Variants in SLC5A4 observed in about 807,000 individuals in gnomAD.
SLC5A4 encodes solute carrier family 5 member 4, also known as probable glucose sensor protein SLC5A4.
Under a neutral mutation model 70.3 loss-of-function variants are expected in SLC5A4, and 55 were observed. The ratio of observed to expected loss-of-function variants is 0.78; its 90% confidence interval spans 0.63 to 0.98. SLC5A4 has a LOEUF of 0.98. Among genes scored for constraint, SLC5A4 ranks in the 50% least tolerant of loss-of-function variants. The pLI is 0.00. For synonymous variants in SLC5A4, 268 were observed against 305.7 expected (o/e 0.88, Z 1.29); for missense variants, 735 against 839.2 (o/e 0.88, Z 1.53).
At chr22:32,311,184 C>T in the SLC5A4 span, among the ~76,000 whole-genome samples, 1 of 152,088 alleles carries the variant, frequency 6.6e-6, no homozygotes, top group Non-Finnish European at 1.5e-5. Flanking sequence ...CCCGGCAGAA[C>T]ACTCGCCGCC....
At chr22:32,317,432 A>G in the SLC5A4 span, among the ~76,000 whole-genome samples, 2 of 152,196 alleles carry the variant, frequency 1.3e-5, no homozygotes, top group South Asian at 2.1e-4. Context: ...AGGAACTCAT[A>G]AATAACTCCA....
chr22:32,333,998 TAC>T, the SLC5A4 span, among the ~76,000 whole-genome samples: 834 of 143,204 alleles, frequency 5.8e-3, 5 homozygotes, highest in African/African-American at 0.021. Flanking sequence ...ACAGACACAC[TAC>T]ACACACTACA....
At chr22:32,324,587 C>T in the SLC5A4 span, among the ~76,000 whole-genome samples, 3 of 152,210 alleles carry the variant, frequency 2.0e-5, no homozygotes, top group Middle Eastern at 3.2e-3. Flanking sequence ...GCCCCTTCAG[C>T]GCAGCTTGTC....
At chr22:32,229,623 A>T (rs1001738816) in intron 10 of SLC5A4, among the ~76,000 whole-genome samples, 1 of 152,188 alleles carries the variant, frequency 6.6e-6, no homozygotes, top group African/African-American at 2.4e-5. Context: ...TAGAGAGCAG[A>T]AGGATGGTTA....
the SLC5A4 span, chr22:32,271,779 G>C: frequency 1.7e-6 from 1 of 592,188 alleles, no homozygotes; most frequent in South Asian, 1.6e-5. Context: ...AACAGACAGG[G>C]CAAACTGAGG....
At chr22:32,271,203 C>T in the SLC5A4 span, 11 of 765,904 alleles carry the variant, frequency 1.4e-5, no homozygotes, top group Admixed American at 4.0e-5. Context: ...AGCTCCCCGA[C>T]TGGCGGCTGG....
the SLC5A4 span, among the ~76,000 whole-genome samples, chr22:32,291,213 T>A: frequency 3.3e-5 from 5 of 150,266 alleles, no homozygotes; most frequent in African/African-American, 4.9e-5. Context: ...GTTCTTTTTT[T>A]TTTTTTTTGA....
chr22:32,322,585 CAAAAAAAAAAAAATTATTGGAA>C, the SLC5A4 span, among the ~76,000 whole-genome samples: 1 of 139,558 alleles, frequency 7.2e-6, no homozygotes, highest in African/African-American at 2.7e-5. Context: ...GACTCTGTCT[CAAAAAAAAAAAAATTATTGGAA>C]AAAAAAAAAG....
At chr22:32,272,124 C>T in the SLC5A4 span, 2 of 672,876 alleles carry the variant, frequency 3.0e-6, no homozygotes, top group Non-Finnish European at 5.5e-6. Flanking sequence ...GTCGCTGCAG[C>T]AAGGAGACCA....
At chr22:32,275,635 G>A in the SLC5A4 span, among the ~76,000 whole-genome samples, 2 of 152,138 alleles carry the variant, frequency 1.3e-5, no homozygotes, top group Non-Finnish European at 1.5e-5. Flanking sequence ...CATTTGGGTT[G>A]GTTCCAAGTC....
the SLC5A4 span, among the ~76,000 whole-genome samples, chr22:32,263,356 A>T: frequency 6.6e-6 from 1 of 152,268 alleles, no homozygotes; most frequent in Non-Finnish European, 1.5e-5. Context: ...AAACATTTGT[A>T]TGCCAACAAG....
At chr22:32,290,626 T>C in the SLC5A4 span, among the ~76,000 whole-genome samples, 7 of 152,196 alleles carry the variant, frequency 4.6e-5, no homozygotes, top group African/African-American at 9.7e-5. Flanking sequence ...TTACAAACAA[T>C]AGAAATTTAT....
At chr22:32,245,586 T>C (rs1195939721) in intron 5 of SLC5A4, among the ~76,000 whole-genome samples, 8 of 152,228 alleles carry the variant, frequency 5.3e-5, no homozygotes, top group Non-Finnish European at 8.8e-5. Context: ...AGTCGCGCGA[T>C]CTCGGTTCAC....
chr22:32,295,381 A>G, the SLC5A4 span, among the ~76,000 whole-genome samples: 3 of 109,288 alleles, frequency 2.7e-5, 1 homozygote, highest in African/African-American at 1.0e-4. Context: ...ATGGTATCTC[A>G]TTGTGGTTTT....
chr22:32,232,562 G>A (rs1370324769), intron 9 of SLC5A4, among the ~76,000 whole-genome samples: 1 of 151,950 alleles, frequency 6.6e-6, no homozygotes, highest in African/African-American at 2.4e-5. Flanking sequence ...CAGACAGTAC[G>A]GCTCACTCAA....
At chr22:32,272,081 G>C in the SLC5A4 span, 1 of 650,824 alleles carries the variant, frequency 1.5e-6, no homozygotes, top group African/African-American at 1.8e-5. Flanking sequence ...TTGAGCTGCA[G>C]AAGTGGGAGC....
the SLC5A4 span, among the ~76,000 whole-genome samples, chr22:32,326,203 G>A: frequency 2.6e-5 from 4 of 152,124 alleles, no homozygotes; most frequent in South Asian, 2.1e-4. Context: ...CCCCAGCAGC[G>A]GCAGCGGCTT....
chr22:32,286,566 A>G, the SLC5A4 span, among the ~76,000 whole-genome samples: 2 of 152,186 alleles, frequency 1.3e-5, no homozygotes, highest in East Asian at 3.8e-4. Context: ...TCCTGTCCCG[A>G]CTAATCATTG....
At chr22:32,323,442 C>CA in the SLC5A4 span, among the ~76,000 whole-genome samples, 1 of 152,204 alleles carries the variant, frequency 6.6e-6, no homozygotes, top group South Asian at 2.1e-4. Flanking sequence ...GACATGGGTT[C>CA]AGTTACGGCC....
Sources: gnomAD v4.1 joint callset for allele counts (sites outside exome capture counted in the v4.1 genomes callset) on GRCh38, gnomAD v4.1.1 for gene constraint, MANE v1.5 for transcripts, NCBI Gene and HGNC (gene_info 2026-07-23, HGNC 2026-07-21) for gene names.